Variants in DNER observed in about 807,000 individuals in gnomAD.
DNER encodes the protein delta/notch like EGF repeat containing.
DNER carries 33 observed loss-of-function variants against 78.2 expected under a neutral mutation model. The observed-to-expected ratio is 0.42, with a 90% CI of 0.32 to 0.56. DNER has a LOEUF of 0.56. Ranked by LOEUF, DNER falls within the 20% of genes least tolerant of loss-of-function variation. The pLI is 0.11. For synonymous variants in DNER, 417 were observed against 384.8 expected (o/e 1.08, Z -0.98); for missense variants, 918 against 975.3 (o/e 0.94, Z 0.78).
intron 1 of DNER, among the ~76,000 whole-genome samples, chr2:229,676,274 G>A (rs1699299210): frequency 6.6e-6 from 1 of 152,214 alleles, no homozygotes; most frequent in African/African-American, 2.4e-5. Flanking sequence ...GAAGAGCTCT[G>A]AGCCTGAACC....
chr2:229,606,208 C>A lies in DNER; in HGVS notation c.277-14320G>T, dbSNP rs1256650991. 3.5e-4 allele frequency: 53 copies of A among 152,268 alleles called. 1 individual carries two copies. Among genetic ancestry groups the A allele is most frequent in the Admixed American group, 3.4e-3 (52 of 15,288 alleles). The allele number at this position is 152,268 out of a possible 1,614,324, so 9.4% of individuals were successfully genotyped here. A position where few individuals can be genotyped will look rare whatever the true frequency, so the allele number is the denominator to read the frequency against. ...AGAGCTGGAAATAAGACCTACAGTTCTGGGAATTGGGGTTCTAAAAATCAC... is the reference window on the plus strand; with the variant it reads ...AGAGCTGGAAATAAGACCTACAGTTATGGGAATTGGGGTTCTAAAAATCAC... On this transcript the variant is annotated intron_variant, in intron 1 of 12. Transcript: ENST00000341772.
chr2:229,411,568 T>C (rs1291770218), intron 9 of DNER, among the ~76,000 whole-genome samples: 2 of 151,582 alleles, frequency 1.3e-5, no homozygotes, highest in Non-Finnish European at 2.9e-5. Flanking sequence ...AAAAAAAAAG[T>C]AGGTACAATG....
Position 229,574,386 on chromosome 2 carries a change from A to G in DNER, c.847+11472T>C, listed in dbSNP as rs554325955. 4.6e-5 allele frequency among the ~76,000 whole-genome samples: 7 copies of G among 152,314 alleles called. No homozygotes were observed. The East Asian group carries it at 1.3e-3, about 29-fold the overall frequency. ...GCCTATTGATAATAAATTATAGTAC[A>G]TTGATTCAATGGAACCCTATACCAC... On this transcript the variant is annotated intron_variant, in intron 4 of 12. Coordinates refer to ENST00000341772, the MANE Select transcript of DNER (RefSeq NM_139072.4).
At chr2:229,404,698 G>A (rs1411188490) in intron 10 of DNER, among the ~76,000 whole-genome samples, 1 of 152,180 alleles carries the variant, frequency 6.6e-6, no homozygotes, top group Admixed American at 6.5e-5. Flanking sequence ...GTGTCTCTGA[G>A]ATTTTCAAGA....
chr2:229,450,967 G>C (rs929562201), intron 7 of DNER, among the ~76,000 whole-genome samples: 2 of 152,184 alleles, frequency 1.3e-5, no homozygotes, highest in African/African-American at 4.8e-5. Context: ...GTTTGATTCT[G>C]TGTTCACCAC....
intron 1 of DNER, among the ~76,000 whole-genome samples, chr2:229,702,414 T>C (rs1408097789): frequency 6.6e-6 from 1 of 152,110 alleles, no homozygotes; most frequent in Non-Finnish European, 1.5e-5. Flanking sequence ...TGCATGCCTA[T>C]AGTCCCAGCT....
At chr2:229,387,563 GAAA>G (rs1692914612) in intron 11 of DNER, among the ~76,000 whole-genome samples, 6 of 143,882 alleles carry the variant, frequency 4.2e-5, no homozygotes, top group African/African-American at 1.0e-4. Flanking sequence ...AAGAAAGAAA[GAAA>G]GAAAAGAAAG....
intron 5 of DNER, among the ~76,000 whole-genome samples, chr2:229,531,212 C>CCAAAG (rs1696293470): frequency 6.6e-6 from 1 of 152,186 alleles, no homozygotes; most frequent in Non-Finnish European, 1.5e-5. Flanking sequence ...CCACCTCCAT[C>CCAAAG]CAAAGCAAAG....
At chr2:229,394,028 G>T (rs1199169381) in intron 10 of DNER, among the ~76,000 whole-genome samples, 1 of 152,066 alleles carries the variant, frequency 6.6e-6, no homozygotes. Flanking sequence ...TGTAACCACA[G>T]ATTCAAGATG....
At chr2:229,571,959 C>A (rs889233348) in intron 4 of DNER, among the ~76,000 whole-genome samples, 3 of 152,090 alleles carry the variant, frequency 2.0e-5, no homozygotes, top group East Asian at 1.9e-4. Context: ...ACCACCAGCA[C>A]CCCCTCCTCT....
intron 11 of DNER, among the ~76,000 whole-genome samples, chr2:229,368,019 A>G (rs1180434148): frequency 6.6e-6 from 1 of 152,210 alleles, no homozygotes; most frequent in Non-Finnish European, 1.5e-5. Context: ...AATAATGTTA[A>G]TATTTTACCA....
chr2:229,516,654 G>A (rs1695977452), intron 5 of DNER, among the ~76,000 whole-genome samples: 1 of 151,908 alleles, frequency 6.6e-6, no homozygotes, highest in Non-Finnish European at 1.5e-5. Context: ...AGTCAGCTGT[G>A]GGAAGACGTA....
At chr2:229,604,372 A>G (rs1334495903) in intron 1 of DNER, among the ~76,000 whole-genome samples, 1 of 152,226 alleles carries the variant, frequency 6.6e-6, no homozygotes, top group African/African-American at 2.4e-5. Flanking sequence ...GAAACAAAGA[A>G]GAGACCCCAT....
At chr2:229,690,886 T>C (rs1203693404) in intron 1 of DNER, among the ~76,000 whole-genome samples, 1 of 152,252 alleles carries the variant, frequency 6.6e-6, no homozygotes, top group Non-Finnish European at 1.5e-5. Context: ...CAATTTTTGC[T>C]TATTACATTG....
intron 1 of DNER, among the ~76,000 whole-genome samples, chr2:229,638,275 G>C (rs1461026248): frequency 1.3e-5 from 2 of 152,080 alleles, no homozygotes; most frequent in Non-Finnish European, 2.9e-5. Flanking sequence ...TTTTTTAAAA[G>C]AATGAGTTAA....
At chr2:229,430,218 T>C (rs1433675326) in intron 8 of DNER, among the ~76,000 whole-genome samples, 1 of 152,240 alleles carries the variant, frequency 6.6e-6, no homozygotes, top group Non-Finnish European at 1.5e-5. Flanking sequence ...TGTATATTCA[T>C]GTTTTCTAAT....
chr2:229,543,108 T>C (rs116562824), intron 5 of DNER, among the ~76,000 whole-genome samples: 128 of 152,126 alleles, frequency 8.4e-4, no homozygotes, highest in African/African-American at 2.8e-3. Flanking sequence ...CCAGAAGCTC[T>C]TCAAAAACCT....
chr2:229,383,626 C>T (rs1643981475), intron 11 of DNER, among the ~76,000 whole-genome samples: 1 of 152,080 alleles, frequency 6.6e-6, no homozygotes, highest in African/African-American at 2.4e-5. Context: ...TCTAATAAAA[C>T]AGACTTTAAA....
chr2:229,500,676 T>C (rs1227214841), intron 6 of DNER, among the ~76,000 whole-genome samples: 2 of 152,184 alleles, frequency 1.3e-5, no homozygotes, highest in African/African-American at 4.8e-5. Context: ...ATGTGGTGTA[T>C]ATATACACAA....
Sources: allele counts gnomAD v4.1 joint callset (sites outside exome capture counted in the v4.1 genomes callset), GRCh38; gene constraint gnomAD v4.1.1; transcripts MANE v1.5; gene names NCBI Gene and HGNC (gene_info 2026-07-23, HGNC 2026-07-21).